ERICH3: variants seen among roughly 807,000 people sequenced by gnomAD.
The protein encoded by ERICH3 is glutamate rich 3.
Under a neutral mutation model 131.1 loss-of-function variants are expected in ERICH3, and 126 were observed. The ratio of observed to expected loss-of-function variants is 0.96; its 90% confidence interval spans 0.83 to 1.11. The LOEUF is 1.11. Ranked by LOEUF, ERICH3 falls within the 50% of genes most tolerant of loss-of-function variation. The pLI, the probability that ERICH3 is intolerant of heterozygous loss-of-function variation, is 0.00. For synonymous variants in ERICH3, 695 were observed against 644.6 expected, an observed-to-expected ratio of 1.08 and a Z score of -1.18; for missense variants, 2,050 against 1,810.7, an observed-to-expected ratio of 1.13 and a Z score of -2.40.
At chr1:74,588,952 T>G (rs1352759859) in intron 12 of ERICH3, among the ~76,000 whole-genome samples, 1 of 152,204 alleles carries the variant, frequency 6.6e-6, no homozygotes, top group African/African-American at 2.4e-5. Context: ...AAGAAAATTT[T>G]ACACTATTAT....
At chr1:74,628,608 C>A (rs1649491590) in intron 7 of ERICH3, among the ~76,000 whole-genome samples, 1 of 151,878 alleles carries the variant, frequency 6.6e-6, no homozygotes, top group African/African-American at 2.4e-5. Context: ...TGGGGGGAGT[C>A]AAAGTTTATA....
chr1:74,568,156 A>T lies in ERICH3; in HGVS notation c.*2302T>A, dbSNP rs549157882. 3.3e-5 allele frequency: 5 copies of T among 152,300 alleles called. No homozygotes were observed. The highest frequency in any genetic ancestry group is 7.4e-5 in the Non-Finnish European group (5 of 67,988). 9.4% of individuals were successfully genotyped at this position (152,300 alleles called of 1,614,324 possible). A position where few individuals can be genotyped will look rare whatever the true frequency, so the allele number is the denominator to read the frequency against. On this transcript the variant is annotated 3_prime_UTR_variant, in exon 15 of 15. Coordinates refer to ENST00000326665, the MANE Select transcript of ERICH3 (RefSeq NM_001002912.5). Reference sequence around the variant, plus strand: ...ATTTATGTTTTAATAATGAAGAAACAGGAAACAAACCATTTCAGGGGAACA... The same window carrying T: ...ATTTATGTTTTAATAATGAAGAAACTGGAAACAAACCATTTCAGGGGAACA...
intron 11 of ERICH3, among the ~76,000 whole-genome samples, chr1:74,595,684 G>T (rs544706834): frequency 5.3e-5 from 8 of 151,970 alleles, no homozygotes; most frequent in Non-Finnish European, 8.8e-5. Flanking sequence ...TAATGCCTTT[G>T]TTTTCTACAA....
rs546343208 is a variant in ERICH3 at position 74,657,594 on chromosome 1, T to G, written c.24-8279A>C. 4.6e-5 allele frequency among the ~76,000 whole-genome samples: 7 copies of G among 152,306 alleles called. No homozygotes were observed. In the South Asian group the frequency reaches 1.4e-3, roughly 32 times the overall value. ...AATTTTTCTCAGCTTATTCTAACAA[T>G]GAAGCCAGATGAGAACCATAATATT... On this transcript the variant is annotated intron_variant, in intron 1 of 14. Coordinates refer to ENST00000326665, the MANE Select transcript of ERICH3 (RefSeq NM_001002912.5).
At chr1:74,634,914 A>G in intron 6 of ERICH3, 3 of 404,270 alleles carry the variant, frequency 7.4e-6, no homozygotes, top group South Asian at 8.8e-5. Context: ...TTCTGATTCC[A>G]TGCTCACTAG....
chr1:74,599,684 GAA>G lies in ERICH3; in HGVS notation c.1726+9_1726+10del. 1.3e-6 allele frequency: 2 copies of G among 1,588,902 alleles called. No homozygotes were observed. Among genetic ancestry groups the G allele is most frequent in the South Asian group, 2.3e-5 (2 of 87,354 alleles). On this transcript the variant is annotated intron_variant, in intron 11 of 14. Coordinates refer to ENST00000326665, the MANE Select transcript of ERICH3 (RefSeq NM_001002912.5). ...AACAGCCTATGTTACATGATAAGCT[GAA>G]CAACTCGCCTTGTTTATCCTCTTCC...
Position 74,636,316 on chromosome 1 carries a change from G to A in ERICH3, c.567C>T (p.Thr189=). 4.3e-6 allele frequency: 7 copies of A among 1,610,164 alleles called. No homozygotes were observed. The highest frequency in any genetic ancestry group is 5.9e-6 in the Non-Finnish European group (7 of 1,177,682). The change falls in exon 6 of 15, where the codon ACC becomes ACT. Residue 189 remains threonine, a synonymous_variant. Transcript: ENST00000326665. ...PKVTSRSRSK[T]SLLENEALFP... ...ACAGAGCTTCATTTTCCAGCAATGAGGTTTTTGATCTGGACCTTGAAGTTA... is the reference window on the plus strand; with the variant it reads ...ACAGAGCTTCATTTTCCAGCAATGAAGTTTTTGATCTGGACCTTGAAGTTA...
At position 74,568,466 on chromosome 1, in the gene ERICH3, T is replaced by C. The variant is rs1570777144; in HGVS notation, c.*1992A>G. 2 of 152,296 alleles carry C rather than the reference T, an allele frequency of 1.3e-5. No homozygotes were observed. Among genetic ancestry groups the C allele is most frequent in the Admixed American group, 1.3e-4 (2 of 15,298 alleles). The allele number at this position is 152,296 out of a possible 1,614,324, so 9.4% of individuals were successfully genotyped here. ...GAGTTTGAAATCAGGAAACAAATAC[T>C]GTTAGAGCTCCACAGTAATACAGCT... On this transcript the variant is annotated 3_prime_UTR_variant, in exon 15 of 15. Transcript: ENST00000326665.
intron 6 of ERICH3, among the ~76,000 whole-genome samples, chr1:74,634,034 T>C (rs911647036): frequency 7.2e-5 from 11 of 152,238 alleles, no homozygotes; most frequent in African/African-American, 2.2e-4. Flanking sequence ...CTTCTATCTG[T>C]TGTACCTTCA....
At chr1:74,657,901 A>C (rs1646601214) in intron 1 of ERICH3, among the ~76,000 whole-genome samples, 1 of 152,194 alleles carries the variant, frequency 6.6e-6, no homozygotes. Flanking sequence ...TTAATAGAAA[A>C]ATTAAAACTA....
intron 11 of ERICH3, among the ~76,000 whole-genome samples, chr1:74,592,920 C>A (rs1557673906): frequency 6.6e-6 from 1 of 151,986 alleles, no homozygotes; most frequent in Non-Finnish European, 1.5e-5. Flanking sequence ...TTTATTTATT[C>A]TCTTAGAAAT....
intron 11 of ERICH3, among the ~76,000 whole-genome samples, chr1:74,594,709 T>A (rs1469546167): frequency 1.3e-5 from 2 of 152,102 alleles, no homozygotes; most frequent in African/African-American, 4.8e-5. Flanking sequence ...GATAACTCTC[T>A]CAGAAACTAT....
In ERICH3 at chr1:74,660,996, A is replaced by G. The variant is rs1014321738; in HGVS notation, c.24-11681T>C. Reference sequence around the variant, plus strand: ...GCGAGGTATTATGAGAAAGAAAAAAAGAAGAAGGAAAGGAAAAAGGGAAGA... The same window carrying G: ...GCGAGGTATTATGAGAAAGAAAAAAGGAAGAAGGAAAGGAAAAAGGGAAGA... On this transcript the variant is annotated intron_variant, in intron 1 of 14. Coordinates refer to ENST00000326665, the MANE Select transcript of ERICH3 (RefSeq NM_001002912.5). Among the ~76,000 whole-genome samples the G allele has an allele frequency of 7.9e-4, 120 of 152,262 alleles. 1 individual carries two copies. Among genetic ancestry groups the G allele is most frequent in the African/African-American group, 2.8e-3 (115 of 41,566 alleles).
At chr1:74,614,976 T>G (rs1167250390) in intron 8 of ERICH3, among the ~76,000 whole-genome samples, 1 of 152,174 alleles carries the variant, frequency 6.6e-6, no homozygotes, top group African/African-American at 2.4e-5. Context: ...GCTCCATAAC[T>G]TCCTAAGTTC....
intron 12 of ERICH3, among the ~76,000 whole-genome samples, chr1:74,588,794 C>A (rs550162248): frequency 8.1e-4 from 124 of 152,186 alleles, no homozygotes; most frequent in Middle Eastern, 3.4e-3. Flanking sequence ...AAGCATCAGA[C>A]CTTCCATGTG....
chr1:74,635,891 T>C (rs1646384590), intron 6 of ERICH3, among the ~76,000 whole-genome samples: 1 of 152,188 alleles, frequency 6.6e-6, no homozygotes, highest in Non-Finnish European at 1.5e-5. Context: ...GGCATGCAAA[T>C]GCAAACCTAT....
chr1:74,628,706 C>G (rs1649495449), intron 7 of ERICH3, among the ~76,000 whole-genome samples: 1 of 152,012 alleles, frequency 6.6e-6, no homozygotes, highest in South Asian at 2.1e-4. Context: ...CACACACACA[C>G]ACACACAGAC....
rs575441862 is a variant in ERICH3 at position 74,610,439 on chromosome 1, C to T, written c.1187+2184G>A. 2.2e-3 allele frequency among the ~76,000 whole-genome samples: 322 copies of T among 149,110 alleles called. 2 individuals carry two copies. Among genetic ancestry groups the T allele is most frequent in the African/African-American group, 7.6e-3 (309 of 40,458 alleles). Reference sequence around the variant, plus strand: ...CTCCCGTTACCATACAAGAATGTTCCTCCTCTTCTTAAGGCTTATACCCCC... The same window carrying T: ...CTCCCGTTACCATACAAGAATGTTCTTCCTCTTCTTAAGGCTTATACCCCC... On this transcript the variant is annotated intron_variant, in intron 9 of 14. Coordinates refer to ENST00000326665, the MANE Select transcript of ERICH3 (RefSeq NM_001002912.5).
At position 74,570,282 on chromosome 1, in the gene ERICH3, T is replaced by G. The variant is rs1019605163; in HGVS notation, c.*176A>C. ...TCTACTTGAGCTATTCTCAAGGTGCTTACTGAGCTACTGACCAGGGCTGAC... is the reference window on the plus strand; with the variant it reads ...TCTACTTGAGCTATTCTCAAGGTGCGTACTGAGCTACTGACCAGGGCTGAC... On this transcript the variant is annotated 3_prime_UTR_variant, in exon 15 of 15. Transcript: ENST00000326665. 3 of 152,242 alleles carry G rather than the reference T, an allele frequency of 2.0e-5. No homozygotes were observed. Among genetic ancestry groups the G allele is most frequent in the African/African-American group, 7.2e-5 (3 of 41,440 alleles). The allele number at this position is 152,242 out of a possible 1,614,324, so 9.4% of individuals were successfully genotyped here.
Sources: gnomAD v4.1 joint callset for allele counts (sites outside exome capture counted in the v4.1 genomes callset) on GRCh38, gnomAD v4.1.1 for gene constraint, MANE v1.5 for transcripts, NCBI Gene and HGNC (gene_info 2026-07-23, HGNC 2026-07-21) for gene names.